PTPRD: variants seen among roughly 807,000 people sequenced by gnomAD.
PTPRD encodes receptor-type tyrosine-protein phosphatase delta.
PTPRD carries 34 observed loss-of-function variants against 214.5 expected under a neutral mutation model. That is an observed-to-expected ratio of 0.16 (90% CI 0.12 to 0.21). The LOEUF is 0.21. PTPRD is among the 10% of genes least tolerant of loss of function. PTPRD has a pLI of 1.00. For missense variants in PTPRD, 2,545 were observed against 2,398.7 expected, an observed-to-expected ratio of 1.06 and a Z score of -1.27; for synonymous variants, 1,128 against 845.7, an observed-to-expected ratio of 1.33 and a Z score of -5.79.
intron 3 of PTPRD, among the ~76,000 whole-genome samples, chr9:10,185,741 G>A (rs776117088): frequency 4.6e-4 from 69 of 149,554 alleles, no homozygotes; most frequent in Non-Finnish European, 7.9e-4. Context: ...AGAACCAGCG[G>A]TTTTTTTTTT....
rs375970230 is a variant in PTPRD, at chr9:8,609,697, CAA to C, written c.352+23618_352+23619del. ...CACATTTGAACATCACTATTTAACT[CAA>C]GTTTATTTTTACTAATAGCTGGTTA... On this transcript the variant is annotated intron_variant, in intron 14 of 45. Coordinates refer to ENST00000381196, the MANE Select transcript of PTPRD (RefSeq NM_002839.4). 1.8e-3 allele frequency among the ~76,000 whole-genome samples: 281 copies of C among 152,212 alleles called. 1 individual carries two copies. Among genetic ancestry groups the C allele is most frequent in the South Asian group, 9.6e-3 (46 of 4,810 alleles).
At chr9:9,427,693 A>G (rs891670691) in intron 8 of PTPRD, among the ~76,000 whole-genome samples, 1 of 152,248 alleles carries the variant, frequency 6.6e-6, no homozygotes, top group African/African-American at 2.4e-5. Flanking sequence ...AGGGAAGCCC[A>G]TCAGACTAAC....
chr9:10,131,590 T>C (rs947027966), intron 3 of PTPRD, among the ~76,000 whole-genome samples: 1 of 152,206 alleles, frequency 6.6e-6, no homozygotes, highest in Non-Finnish European at 1.5e-5. Flanking sequence ...AGTGCCATTA[T>C]GTATTAAATA....
chr9:10,320,977 G>C (rs144676984), intron 3 of PTPRD, among the ~76,000 whole-genome samples: 1,690 of 151,908 alleles, frequency 0.011, 14 homozygotes, highest in Non-Finnish European at 0.017. Context: ...ATCCGACCTT[G>C]GCCTCCTAAA....
intron 10 of PTPRD, among the ~76,000 whole-genome samples, chr9:9,126,852 G>A (rs371759710): frequency 2.4e-4 from 37 of 152,164 alleles, no homozygotes; most frequent in African/African-American, 8.0e-4. Flanking sequence ...ATTTGTATTC[G>A]TTCATTCATG....
At chr9:8,887,227 AG>A (rs1433140279) in intron 11 of PTPRD, among the ~76,000 whole-genome samples, 3 of 152,186 alleles carry the variant, frequency 2.0e-5, no homozygotes, top group East Asian at 1.9e-4. Flanking sequence ...CTCTTCTTAA[AG>A]TGAGTATCTC....
chr9:10,171,749 TC>T (rs1483564817), intron 3 of PTPRD, among the ~76,000 whole-genome samples: 3 of 152,132 alleles, frequency 2.0e-5, no homozygotes, highest in Non-Finnish European at 4.4e-5. Flanking sequence ...GGTCTCGATC[TC>T]CTGACCTTGT....
At chr9:9,365,998 CTTTACAAAGA>C (rs1243400371) in intron 9 of PTPRD, among the ~76,000 whole-genome samples, 1 of 151,238 alleles carries the variant, frequency 6.6e-6, no homozygotes, top group African/African-American at 2.4e-5. Context: ...TATTATAAAT[CTTTACAAAGA>C]TATTCTGAGT....
chr9:9,056,172 A>G (rs1025184049), intron 10 of PTPRD, among the ~76,000 whole-genome samples: 1 of 152,212 alleles, frequency 6.6e-6, no homozygotes, highest in African/African-American at 2.4e-5. Context: ...AGACAAAATC[A>G]TCTGTTGAGT....
At chr9:9,500,786 A>G (rs1312099630) in intron 8 of PTPRD, among the ~76,000 whole-genome samples, 23 of 152,084 alleles carry the variant, frequency 1.5e-4, no homozygotes. Context: ...TGAATGTTTA[A>G]AGCAAAAATA....
chr9:10,224,688 G>T (rs190040667), intron 3 of PTPRD, among the ~76,000 whole-genome samples: 1 of 151,724 alleles, frequency 6.6e-6, no homozygotes, highest in African/African-American at 2.4e-5. Flanking sequence ...TTTGAAATGC[G>T]CTGGTCCACT....
At chr9:10,188,121 A>T (rs1187836333) in intron 3 of PTPRD, among the ~76,000 whole-genome samples, 1 of 152,196 alleles carries the variant, frequency 6.6e-6, no homozygotes, top group African/African-American at 2.4e-5. Context: ...ATTTCATGCT[A>T]AAGTCATTTC....
chr9:10,449,692 C>A (rs1168816931), intron 2 of PTPRD, among the ~76,000 whole-genome samples: 1 of 146,238 alleles, frequency 6.8e-6, no homozygotes, highest in Non-Finnish European at 1.5e-5. Flanking sequence ...GCCGCCCCGT[C>A]TGAGAAGTGA....
intron 11 of PTPRD, among the ~76,000 whole-genome samples, chr9:8,801,989 T>A (rs1218029548): frequency 1.3e-5 from 2 of 152,136 alleles, no homozygotes; most frequent in African/African-American, 2.4e-5. Flanking sequence ...CTCAATGAGG[T>A]AAGGGTAAAG....
chr9:9,150,194 C>A (rs996492789), intron 10 of PTPRD, among the ~76,000 whole-genome samples: 4 of 151,944 alleles, frequency 2.6e-5, no homozygotes, highest in Admixed American at 2.0e-4. Context: ...TTGTTATGTG[C>A]TTTTTACCAT....
intron 4 of PTPRD, among the ~76,000 whole-genome samples, chr9:10,019,729 A>G (rs2096805333): frequency 6.7e-6 from 1 of 149,032 alleles, no homozygotes; most frequent in South Asian, 2.2e-4. Flanking sequence ...TTGAACAATG[A>G]GAACACACGG....
At chr9:10,091,239 T>C (rs530692679) in intron 3 of PTPRD, among the ~76,000 whole-genome samples, 25 of 151,564 alleles carry the variant, frequency 1.6e-4, no homozygotes, top group Non-Finnish European at 3.7e-4. Context: ...TTTAACTCTC[T>C]TCTTTCATAA....
intron 3 of PTPRD, among the ~76,000 whole-genome samples, chr9:10,227,876 G>T (rs547645964): frequency 6.6e-6 from 1 of 151,526 alleles, no homozygotes; most frequent in Non-Finnish European, 1.5e-5. Flanking sequence ...GCCCTACTTG[G>T]CTGAGGACTC....
intron 9 of PTPRD, among the ~76,000 whole-genome samples, chr9:9,295,487 G>C (rs529293515): frequency 3.3e-5 from 5 of 151,844 alleles, no homozygotes; most frequent in Non-Finnish European, 5.9e-5. Context: ...GGAGAAAACA[G>C]CTGTTTTGAA....
Sources: allele counts gnomAD v4.1 joint callset (sites outside exome capture counted in the v4.1 genomes callset), GRCh38; gene constraint gnomAD v4.1.1; transcripts MANE v1.5; gene names NCBI Gene and HGNC (gene_info 2026-07-23, HGNC 2026-07-21).